The following ADAMTS6 variants were observed in gnomAD, a reference collection of about 807,000 sequenced individuals.
ADAMTS6 encodes ADAM metallopeptidase with thrombospondin type 1 motif 6.
ADAMTS6 carries 23 observed loss-of-function variants against 144.3 expected under a neutral mutation model. The observed-to-expected ratio is 0.16, with a 90% CI of 0.11 to 0.23. The LOEUF (loss-of-function observed/expected upper bound fraction) is 0.23, where lower values mean the gene tolerates loss of function less well. Ranked by LOEUF, ADAMTS6 falls within the 10% of genes least tolerant of loss-of-function variation. The pLI, the probability that ADAMTS6 is intolerant of heterozygous loss-of-function variation, is 1.00. For synonymous variants in ADAMTS6, 444 were observed against 457.5 expected, an observed-to-expected ratio of 0.97 and a Z score of 0.38; for missense variants, 999 against 1,379.6, an observed-to-expected ratio of 0.72 and a Z score of 4.37.
chr5:65,452,643 T>C, intron 5 of ADAMTS6, 64 bp downstream of exon 5: 2 of 1,555,584 alleles, frequency 1.3e-6, no homozygotes, highest in Non-Finnish European at 1.8e-6. Flanking sequence ...AGCAAAAATT[T>C]ATGACCTTAG....
chr5:65,393,613 C>G (rs999612739), intron 7 of ADAMTS6, among the ~76,000 whole-genome samples: 2 of 152,206 alleles, frequency 1.3e-5, no homozygotes, highest in Non-Finnish European at 2.9e-5. Context: ...TAAACATCCT[C>G]AATGCCTGTC....
chr5:65,259,781 A>G (rs1386756384), intron 14 of ADAMTS6, among the ~76,000 whole-genome samples: 1 of 152,212 alleles, frequency 6.6e-6, no homozygotes, highest in South Asian at 2.1e-4. Flanking sequence ...ATGTTTATGA[A>G]AAAAATTCAG....
chr5:65,423,913 C>T (rs1756284784), intron 7 of ADAMTS6, among the ~76,000 whole-genome samples: 1 of 152,048 alleles, frequency 6.6e-6, no homozygotes, highest in African/African-American at 2.4e-5. Context: ...CAAGAATAAA[C>T]AAATTCATAT....
At chr5:65,449,157 T>C (rs1206359291) in intron 7 of ADAMTS6, among the ~76,000 whole-genome samples, 1 of 152,316 alleles carries the variant, frequency 6.6e-6, no homozygotes, top group East Asian at 1.9e-4. Flanking sequence ...GAAACTTTAA[T>C]AAGAGTTCAA....
At chr5:65,429,432 T>C (rs1003691045) in intron 7 of ADAMTS6, among the ~76,000 whole-genome samples, 6 of 152,210 alleles carry the variant, frequency 3.9e-5, no homozygotes, top group African/African-American at 1.4e-4. Context: ...ATGATGTGAT[T>C]AATATGCATT....
chr5:65,458,319 G>T (rs1028213771), intron 4 of ADAMTS6, among the ~76,000 whole-genome samples: 1 of 152,138 alleles, frequency 6.6e-6, no homozygotes, highest in South Asian at 2.1e-4. Flanking sequence ...AAGAAAAGAA[G>T]ACTTAACACT....
At chr5:65,451,308 G>A in intron 7 of ADAMTS6, 167 bp downstream of exon 7, 1 of 612,036 alleles carries the variant, frequency 1.6e-6, no homozygotes, top group Non-Finnish European at 2.6e-6. Context: ...TTCATTTGAT[G>A]CAAACACAAT....
intron 7 of ADAMTS6, among the ~76,000 whole-genome samples, chr5:65,431,067 T>C (rs1431035197): frequency 6.6e-6 from 1 of 152,180 alleles, no homozygotes; most frequent in Non-Finnish European, 1.5e-5. Context: ...CAGTAAATGT[T>C]TGTTGAGTGT....
At chr5:65,353,985 A>AGT (rs1749091293) in intron 7 of ADAMTS6, among the ~76,000 whole-genome samples, 1 of 151,918 alleles carries the variant, frequency 6.6e-6, no homozygotes, top group South Asian at 2.1e-4. Flanking sequence ...ACTGGTATCA[A>AGT]GTGCAGTGTT....
chr5:65,313,402 G>A (rs753438697), intron 9 of ADAMTS6, among the ~76,000 whole-genome samples: 7 of 151,952 alleles, frequency 4.6e-5, no homozygotes, highest in Non-Finnish European at 8.8e-5. Flanking sequence ...GTCTACAGAT[G>A]AAAATTTACA....
At chr5:65,393,299 A>G (rs1753075405) in intron 7 of ADAMTS6, among the ~76,000 whole-genome samples, 1 of 152,190 alleles carries the variant, frequency 6.6e-6, no homozygotes, top group Admixed American at 6.5e-5. Context: ...TGTACCCCTA[A>G]AACTGTTTTA....
At chr5:65,320,023 A>G (rs1745444510) in intron 9 of ADAMTS6, among the ~76,000 whole-genome samples, 1 of 151,954 alleles carries the variant, frequency 6.6e-6, no homozygotes, top group Non-Finnish European at 1.5e-5. Context: ...TTGTATTTTT[A>G]GTAGAGACGG....
chr5:65,398,836 GAAAGAAAGAAAGAAAA>G lies in ADAMTS6; in HGVS notation c.1073+52623_1073+52638del, dbSNP rs1453697706. On this transcript the variant is annotated intron_variant, in intron 7 of 24. Transcript: ENST00000381055. Reference sequence around the variant, plus strand: ...AGAAAGAAAGAAAGAAAGAAAGAAAGAAAGAAAGAAAGAAAAAGAAAGAGAAAGAAAGAAAGAAAGA... The same window carrying G: ...AGAAAGAAAGAAAGAAAGAAAGAAAGAGAAAGAGAAAGAAAGAAAGAAAGA... Among the ~76,000 whole-genome samples, 51 of 131,552 alleles carry G rather than the reference GAAAGAAAGAAAGAAAA, an allele frequency of 3.9e-4. 1 individual carries two copies. Among genetic ancestry groups the G allele is most frequent in the Admixed American group, 2.6e-3 (35 of 13,464 alleles). 86.3% of individuals were successfully genotyped at this position (131,552 alleles called of 152,430 possible).
chr5:65,478,244 C>A (rs150382495), intron 1 of ADAMTS6, among the ~76,000 whole-genome samples: 1 of 152,196 alleles, frequency 6.6e-6, no homozygotes, highest in African/African-American at 2.4e-5. Flanking sequence ...CTTTCTGACA[C>A]CTGGTGGGGA....
intron 22 of ADAMTS6, among the ~76,000 whole-genome samples, chr5:65,186,447 T>A (rs190678793): frequency 4.6e-5 from 7 of 152,208 alleles, no homozygotes; most frequent in African/African-American, 1.7e-4. Context: ...TGTTTAGTAA[T>A]CACTCAAACT....
At chr5:65,417,273 C>T (rs10052366) in intron 7 of ADAMTS6, among the ~76,000 whole-genome samples, 92,065 of 151,940 alleles carry the variant, frequency 0.61, 29,745 homozygotes, top group African/African-American at 0.84. Flanking sequence ...GCCAACATCA[C>T]ACTGAATGGG....
At chr5:65,430,499 T>C (rs987755306) in intron 7 of ADAMTS6, among the ~76,000 whole-genome samples, 1 of 152,172 alleles carries the variant, frequency 6.6e-6, no homozygotes, top group African/African-American at 2.4e-5. Flanking sequence ...TACTGGATTA[T>C]TCTTTGGAGA....
At chr5:65,322,106 C>T (rs895627676) in intron 9 of ADAMTS6, among the ~76,000 whole-genome samples, 11 of 152,248 alleles carry the variant, frequency 7.2e-5, no homozygotes, top group African/African-American at 2.6e-4. Flanking sequence ...GTTATCCTAG[C>T]AGCATTTATT....
At chr5:65,322,840 C>T (rs1248000261) in intron 9 of ADAMTS6, among the ~76,000 whole-genome samples, 2 of 152,136 alleles carry the variant, frequency 1.3e-5, no homozygotes. Context: ...GATAGTTTGA[C>T]TTCCTCTCTT....
Sources: gnomAD v4.1 joint callset for allele counts (sites outside exome capture counted in the v4.1 genomes callset) on GRCh38, gnomAD v4.1.1 for gene constraint, MANE v1.5 for transcripts, NCBI Gene and HGNC (gene_info 2026-07-23, HGNC 2026-07-21) for gene names.